CIDEA: variants seen among roughly 807,000 people sequenced by gnomAD.
CIDEA encodes the protein lipid transferase CIDEA.
CIDEA carries 10 observed loss-of-function variants against 18.2 expected under a neutral mutation model. That is an observed-to-expected ratio of 0.55 (90% CI 0.34 to 0.93). CIDEA has a LOEUF of 0.93. Among genes scored for constraint, CIDEA ranks in the 40% least tolerant of loss-of-function variants. The pLI is 0.02. For synonymous variants in CIDEA, 128 were observed against 124.8 expected (o/e 1.03, Z -0.17); for missense variants, 309 against 293.1 (o/e 1.05, Z -0.40).
chr18:12,254,396 C>A lies in CIDEA; in HGVS notation c.13C>A (p.Arg5=), dbSNP rs141822984. Residue 5 remains arginine, a synonymous_variant, in exon 1 of 5, where the codon CGG becomes AGG. Transcript: ENST00000320477. MEAA[R]DYAGALIRPL... The stretch of plus-strand genomic sequence containing the variant: ...GGGGATCCGCGCCATGGAGGCCGCC[C>A]GGGACTATGCAGGAGCCCTCATCAG... 1 of 1,558,362 alleles carries A rather than the reference C, an allele frequency of 6.4e-7. No homozygotes were observed. Among genetic ancestry groups the A allele is most frequent in the Non-Finnish European group, 8.7e-7 (1 of 1,152,746 alleles).
At chr18:12,262,252 G>A (rs1912214482) in intron 1 of CIDEA, among the ~76,000 whole-genome samples, 1 of 152,154 alleles carries the variant, frequency 6.6e-6, no homozygotes, top group East Asian at 1.9e-4. Context: ...TGTAAGCCCT[G>A]AAGGTCTTTT....
At position 12,262,819 on chromosome 18, in the gene CIDEA, T is replaced by C; in HGVS notation, c.39-6T>C. On this transcript the variant is annotated splice_polypyrimidine_tract_variant and splice_region_variant and intron_variant, in intron 1 of 4. Coordinates refer to ENST00000320477, the MANE Select transcript of CIDEA (RefSeq NM_001279.4). ...AAAAAGTTTTACTTTTCACCTCCAT[T>C]TTCAGGCCCCTGACATTTATGGGAT... 6.2e-7 allele frequency: 1 copy of C among 1,608,902 alleles called. No homozygotes were observed. Among genetic ancestry groups the C allele is most frequent in the Non-Finnish European group, 8.5e-7 (1 of 1,175,602 alleles).
intron 4 of CIDEA, among the ~76,000 whole-genome samples, chr18:12,275,910 TACA>T (rs1226456814): frequency 6.6e-6 from 1 of 152,076 alleles, no homozygotes. Flanking sequence ...GCAAGAGAGT[TACA>T]ACAACTGAAA....
intron 1 of CIDEA, among the ~76,000 whole-genome samples, chr18:12,255,915 TC>T (rs557270521): frequency 3.5e-4 from 53 of 152,340 alleles, no homozygotes; most frequent in Middle Eastern, 6.8e-3. Context: ...TAGGACACAT[TC>T]CTTCCAGCTT....
intron 3 of CIDEA, among the ~76,000 whole-genome samples, chr18:12,269,787 T>A (rs903391528): frequency 1.3e-5 from 2 of 152,150 alleles, no homozygotes; most frequent in Non-Finnish European, 2.9e-5. Flanking sequence ...AGCCTTCACC[T>A]CCTGGGCTCA....
chr18:12,262,127 A>G (rs1479347244), intron 1 of CIDEA, among the ~76,000 whole-genome samples: 1 of 151,956 alleles, frequency 6.6e-6, no homozygotes, highest in Non-Finnish European at 1.5e-5. Flanking sequence ...AGATCACACT[A>G]CTGCAATCCA....
At chr18:12,261,247 G>T (rs541727441) in intron 1 of CIDEA, among the ~76,000 whole-genome samples, 1 of 152,284 alleles carries the variant, frequency 6.6e-6, no homozygotes, top group South Asian at 2.1e-4. Flanking sequence ...AGCTGGCCAT[G>T]GTGGTGCACG....
chr18:12,257,567 G>A (rs966708243), intron 1 of CIDEA, among the ~76,000 whole-genome samples: 5 of 152,140 alleles, frequency 3.3e-5, no homozygotes, highest in Non-Finnish European at 5.9e-5. Context: ...TGCCTCCCTC[G>A]GGGCAGAATA....
chr18:12,275,152 G>C (rs192714170), intron 4 of CIDEA, among the ~76,000 whole-genome samples: 119 of 152,320 alleles, frequency 7.8e-4, no homozygotes, highest in Non-Finnish European at 1.0e-3. Context: ...GCGAAACTCT[G>C]TCTCTACTAA....
At chr18:12,261,031 C>G (rs552199857) in intron 1 of CIDEA, among the ~76,000 whole-genome samples, 20 of 152,214 alleles carry the variant, frequency 1.3e-4, no homozygotes, top group East Asian at 3.9e-4. Context: ...AGACCTGAAC[C>G]CTTGCTGATT....
At chr18:12,263,532 T>C (rs1912257628) in intron 2 of CIDEA, 1 of 152,294 alleles carries the variant, frequency 6.6e-6, no homozygotes, top group Non-Finnish European at 1.5e-5. Context: ...CCATAAAACA[T>C]TGAGGTACAG....
intron 2 of CIDEA, 43 bp from the exon 3 acceptor site, chr18:12,264,264 A>T: frequency 6.6e-7 from 1 of 1,506,380 alleles, no homozygotes; most frequent in Non-Finnish European, 8.9e-7. Flanking sequence ...TCACATGGAA[A>T]TACCTGGCTT....
At chr18:12,269,473 G>A (rs999151644) in intron 3 of CIDEA, among the ~76,000 whole-genome samples, 1 of 152,188 alleles carries the variant, frequency 6.6e-6, no homozygotes, top group Non-Finnish European at 1.5e-5. Flanking sequence ...TAATCTGAAG[G>A]TATACCAGTG....
At chr18:12,277,101 T>C in intron 4 of CIDEA, 22 bp from the exon 5 acceptor site, 1 of 1,612,586 alleles carries the variant, frequency 6.2e-7, no homozygotes, top group Non-Finnish European at 8.5e-7. Context: ...AGCTAAAGCC[T>C]CCCCATCTGC....
At chr18:12,259,116 C>G (rs553669407) in intron 1 of CIDEA, among the ~76,000 whole-genome samples, 6 of 152,208 alleles carry the variant, frequency 3.9e-5, no homozygotes, top group Non-Finnish European at 8.8e-5. Flanking sequence ...GTGCACAGCC[C>G]GGCCGGGCGA....
chr18:12,255,025 C>A, intron 1 of CIDEA: 1 of 1,022,148 alleles, frequency 9.8e-7, no homozygotes. Context: ...GCCTGGGGAG[C>A]AGGGGGGACA....
At chr18:12,264,211 C>T in intron 2 of CIDEA, 96 bp from the exon 3 acceptor site, 1 of 1,216,172 alleles carries the variant, frequency 8.2e-7, no homozygotes, top group Non-Finnish European at 1.1e-6. Flanking sequence ...AGAATCAGCC[C>T]AACACTTTTG....
At chr18:12,262,502 T>A (rs1912221210) in intron 1 of CIDEA, among the ~76,000 whole-genome samples, 1 of 152,218 alleles carries the variant, frequency 6.6e-6, no homozygotes, top group African/African-American at 2.4e-5. Context: ...ATTTTTTAAA[T>A]CTCCCACCCA....
chr18:12,267,482 C>T (rs1166490697), intron 3 of CIDEA, among the ~76,000 whole-genome samples: 1 of 152,218 alleles, frequency 6.6e-6, no homozygotes, highest in South Asian at 2.1e-4. Context: ...CAGTAAACAA[C>T]GCATCCTCAA....
Sources: allele counts gnomAD v4.1 joint callset (sites outside exome capture counted in the v4.1 genomes callset), GRCh38; gene constraint gnomAD v4.1.1; transcripts MANE v1.5; gene names NCBI Gene and HGNC (gene_info 2026-07-23, HGNC 2026-07-21).